The following TENM3 variants were observed in gnomAD, a reference collection of about 807,000 sequenced individuals.
TENM3 encodes the protein teneurin transmembrane protein 3, also known as teneurin-3.
A neutral mutation model predicts 255.1 loss-of-function variants in TENM3; 63 were observed. The ratio of observed to expected loss-of-function variants is 0.25; its 90% CI spans 0.20 to 0.30. The LOEUF (loss-of-function observed/expected upper bound fraction) is 0.30. TENM3 is among the 10% of genes least tolerant of loss of function. The pLI is 1.00. For missense variants in TENM3, 2,929 were observed against 3,461.1 expected (o/e 0.85, Z 3.86); for synonymous variants, 1,306 against 1,322.3 (o/e 0.99, Z 0.27).
chr4:182,580,690 C>G (rs1406981157), intron 3 of TENM3, among the ~76,000 whole-genome samples: 1 of 152,166 alleles, frequency 6.6e-6, no homozygotes, highest in African/African-American at 2.4e-5. Context: ...GGTATCATAG[C>G]CCCTTTGATG....
chr4:181,460,621 A>C, the TENM3 span, among the ~76,000 whole-genome samples: 3 of 150,980 alleles, frequency 2.0e-5, no homozygotes, highest in East Asian at 1.9e-4. Context: ...AATTTGAATT[A>C]AATAAGTATA....
the TENM3 span, among the ~76,000 whole-genome samples, chr4:182,002,137 ACCTCAAT>A: frequency 6.6e-6 from 1 of 152,144 alleles, no homozygotes; most frequent in Non-Finnish European, 1.5e-5. Context: ...CTTGAAAGCA[ACCTCAAT>A]CCCATTTATA....
chr4:182,306,868 C>G (rs565579107), intron 1 of TENM3, among the ~76,000 whole-genome samples: 1 of 152,266 alleles, frequency 6.6e-6, no homozygotes, highest in South Asian at 2.1e-4. Flanking sequence ...TGAAACTACT[C>G]AATTGAATGC....
the TENM3 span, among the ~76,000 whole-genome samples, chr4:181,471,267 G>A: frequency 1.3e-5 from 2 of 152,200 alleles, no homozygotes; most frequent in Non-Finnish European, 2.9e-5. Flanking sequence ...TCAACCATTA[G>A]AGGATACAAA....
At chr4:181,836,992 C>CTG in the TENM3 span, among the ~76,000 whole-genome samples, 83,470 of 151,710 alleles carry the variant, frequency 0.55, 24,541 homozygotes, top group East Asian at 0.74. Context: ...TTCTTAAGAA[C>CTG]TAAATTGTTG....
chr4:182,239,037 G>A (rs1470769423), upstream of TENM3, among the ~76,000 whole-genome samples: 3 of 62,800 alleles, frequency 4.8e-5, no homozygotes, highest in African/African-American at 1.3e-4. Context: ...ATCTTTATGT[G>A]TGTGTGTGTG....
At chr4:182,254,510 A>G (rs1758244186) in intron 1 of TENM3, among the ~76,000 whole-genome samples, 1 of 152,166 alleles carries the variant, frequency 6.6e-6, no homozygotes, top group Non-Finnish European at 1.5e-5. Flanking sequence ...GCTTCCTCGA[A>G]AAAGACTGGA....
the TENM3 span, among the ~76,000 whole-genome samples, chr4:181,670,310 GA>G: frequency 6.6e-6 from 1 of 152,144 alleles, no homozygotes; most frequent in African/African-American, 2.4e-5. Flanking sequence ...AGTAATTGCC[GA>G]GAGTGACCGG....
chr4:181,687,977 G>A, the TENM3 span, among the ~76,000 whole-genome samples: 1 of 152,164 alleles, frequency 6.6e-6, no homozygotes, highest in Non-Finnish European at 1.5e-5. Flanking sequence ...TTTACTGAGT[G>A]TAAGTGGTGC....
intron 3 of TENM3, among the ~76,000 whole-genome samples, chr4:182,459,449 AT>A: frequency 6.6e-6 from 1 of 152,204 alleles, no homozygotes; most frequent in Non-Finnish European, 1.5e-5. Context: ...GAACAATTAA[AT>A]TTTGGAATTC....
intron 3 of TENM3, among the ~76,000 whole-genome samples, chr4:182,545,110 T>G (rs1580888448): frequency 6.6e-6 from 1 of 152,202 alleles, no homozygotes; most frequent in Non-Finnish European, 1.5e-5. Flanking sequence ...AAAGTCGTAG[T>G]TTTTAGTCAA....
chr4:182,228,880 A>G (rs896425391), intron 1 of TENM3, among the ~76,000 whole-genome samples: 3 of 152,192 alleles, frequency 2.0e-5, no homozygotes, highest in Non-Finnish European at 4.4e-5. Flanking sequence ...TGTAGACTTC[A>G]GCACAAAGGT....
intron 3 of TENM3, among the ~76,000 whole-genome samples, chr4:182,449,607 A>G (rs1038205181): frequency 8.5e-5 from 13 of 152,188 alleles, no homozygotes; most frequent in Admixed American, 6.5e-4. Context: ...GAAATGTGCA[A>G]AAATCGGCAT....
chr4:181,473,545 A>G, the TENM3 span, among the ~76,000 whole-genome samples: 1 of 151,844 alleles, frequency 6.6e-6, no homozygotes, highest in African/African-American at 2.4e-5. Context: ...TGAGCTAATG[A>G]TTGTCCCCTA....
chr4:182,428,715 T>C (rs1328121008), intron 3 of TENM3, among the ~76,000 whole-genome samples: 6 of 152,124 alleles, frequency 3.9e-5, no homozygotes, highest in African/African-American at 1.4e-4. Context: ...TAATAAAAAA[T>C]ATTTCGTAAA....
At chr4:182,791,885 T>G (rs2152829371) in intron 25 of TENM3, among the ~76,000 whole-genome samples, 1 of 152,282 alleles carries the variant, frequency 6.6e-6, no homozygotes, top group Admixed American at 6.5e-5. Flanking sequence ...ACTAAATAAT[T>G]GCTAATTATG....
the TENM3 span, among the ~76,000 whole-genome samples, chr4:182,118,307 T>A: frequency 6.6e-6 from 1 of 152,184 alleles, no homozygotes; most frequent in Non-Finnish European, 1.5e-5. Flanking sequence ...TAGCTAGTAC[T>A]TCAAGTACAA....
At chr4:181,849,243 T>C in the TENM3 span, among the ~76,000 whole-genome samples, 1 of 152,214 alleles carries the variant, frequency 6.6e-6, no homozygotes. Context: ...GAAATGGCTA[T>C]ATAAATCAGT....
chr4:182,764,277 CAT>C (rs1280052422), intron 22 of TENM3, among the ~76,000 whole-genome samples: 4 of 152,232 alleles, frequency 2.6e-5, no homozygotes, highest in African/African-American at 4.8e-5. Context: ...TTCATTCACT[CAT>C]GTGCTCATTC....
Sources: allele counts gnomAD v4.1 joint callset (sites outside exome capture counted in the v4.1 genomes callset), GRCh38; gene constraint gnomAD v4.1.1; transcripts MANE v1.5; gene names NCBI Gene and HGNC (gene_info 2026-07-23, HGNC 2026-07-21).